LDAH: variants seen among roughly 807,000 people sequenced by gnomAD.
LDAH encodes lipid droplet-associated hydrolase.
Under a neutral mutation model 29.6 loss-of-function variants are expected in LDAH, and 26 were observed. The ratio of observed to expected loss-of-function variants is 0.88; its 90% CI spans 0.64 to 1.22. The LOEUF is 1.22. LDAH is among the 50% of genes most tolerant of loss of function. The probability of loss-of-function intolerance (pLI) is 0.00; values close to 1 mark genes in which losing one functional copy is unlikely to be tolerated. For missense variants in LDAH, 344 were observed against 387.3 expected (o/e 0.89, Z 0.94); for synonymous variants, 117 against 133.0 (o/e 0.88, Z 0.83).
intron 1 of LDAH, among the ~76,000 whole-genome samples, chr2:20,822,395 G>C (rs957620968): frequency 6.6e-6 from 1 of 152,036 alleles, no homozygotes; most frequent in Non-Finnish European, 1.5e-5. Flanking sequence ...CGCCCGCCTC[G>C]GGGTCCCAAA....
intron 2 of LDAH, among the ~76,000 whole-genome samples, chr2:20,792,933 GAATA>G (rs924446283): frequency 2.6e-5 from 4 of 152,164 alleles, no homozygotes; most frequent in East Asian, 1.9e-4. Context: ...AAATGAGGAA[GAATA>G]AATAAATAAA....
intron 2 of LDAH, among the ~76,000 whole-genome samples, chr2:20,796,916 G>A (rs192259800): frequency 3.3e-5 from 5 of 152,190 alleles, no homozygotes; most frequent in African/African-American, 7.2e-5. Context: ...CCTCTGATAC[G>A]CCTTTATACT....
intron 4 of LDAH, among the ~76,000 whole-genome samples, chr2:20,745,791 T>G (rs1355293330): frequency 6.6e-6 from 1 of 152,208 alleles, no homozygotes; most frequent in Non-Finnish European, 1.5e-5. Context: ...TAAATAATAA[T>G]TGAATCAAAT....
At position 20,724,429 on chromosome 2, in the gene LDAH, C is replaced by G. The variant is rs139739288; in HGVS notation, c.703+15542G>C. On this transcript the variant is annotated intron_variant, in intron 5 of 6. Transcript: ENST00000237822. ...AGTGCTTATCTGAACAGTTAGCTCA[C>G]AGCAGGTATCAGTAAGGAAGGGTTG... Among the ~76,000 whole-genome samples, 560 of 152,276 alleles carry G rather than the reference C, an allele frequency of 3.7e-3. 1 individual carries two copies. The highest frequency in any genetic ancestry group is 0.013 in the African/African-American group (538 of 41,546).
At position 20,740,035 on chromosome 2, in the gene LDAH, G is replaced by T; in HGVS notation, c.639C>A (p.Gly213=). 6.2e-7 allele frequency: 1 copy of T among 1,614,052 alleles called. No homozygotes were observed. Among genetic ancestry groups the T allele is most frequent in the Non-Finnish European group, 8.5e-7 (1 of 1,179,976 alleles). Reference sequence around the variant, plus strand: ...CATTCTCTAGGTTCATTACTTGAAGGCCCCTTCTGATTAGCAAGGACTTGA... The same window carrying T: ...CATTCTCTAGGTTCATTACTTGAAGTCCCCTTCTGATTAGCAAGGACTTGA... ...ETIKSLLIRR[G]LQVMNLENEF... Residue 213 remains glycine, a synonymous_variant, in exon 5 of 7, where the codon GGC becomes GGA. Coordinates refer to ENST00000237822, the MANE Select transcript of LDAH (RefSeq NM_021925.4).
At chr2:20,764,893 A>G (rs144544879) in intron 4 of LDAH, among the ~76,000 whole-genome samples, 1 of 152,232 alleles carries the variant, frequency 6.6e-6, no homozygotes, top group Non-Finnish European at 1.5e-5. Context: ...TAAGATGGGA[A>G]AAATCAGATT....
intron 5 of LDAH, among the ~76,000 whole-genome samples, chr2:20,713,451 A>C (rs186502542): frequency 2.0e-5 from 3 of 152,306 alleles, no homozygotes; most frequent in Non-Finnish European, 4.4e-5. Context: ...TGTAAAGACC[A>C]TCAATCCTAT....
chr2:20,692,216 C>G (rs1663090234), intron 6 of LDAH, among the ~76,000 whole-genome samples: 1 of 152,162 alleles, frequency 6.6e-6, no homozygotes, highest in Non-Finnish European at 1.5e-5. Context: ...CCTATATAAA[C>G]TGGCTCTTAA....
At chr2:20,702,096 A>T (rs1663987681) in intron 5 of LDAH, among the ~76,000 whole-genome samples, 1 of 152,112 alleles carries the variant, frequency 6.6e-6, no homozygotes, top group Non-Finnish European at 1.5e-5. Flanking sequence ...AGGATTATTT[A>T]TCTTTAAAAA....
Position 20,686,729 on chromosome 2 carries a change from CA to C in LDAH, c.*173del, listed in dbSNP as rs1340352929. ...TGGTTAAACCTATGGAATGATTCAT[CA>C]ACTGTGTTTACTTCAGCCTATAACA... On this transcript the variant is annotated 3_prime_UTR_variant, in exon 7 of 7. Transcript: ENST00000237822. 2.7e-5 allele frequency: 15 copies of C among 562,394 alleles called. No homozygotes were observed. Among genetic ancestry groups the C allele is most frequent in the Non-Finnish European group, 4.4e-5 (14 of 321,372 alleles). The allele number at this position is 562,394 out of a possible 1,614,324, so 34.8% of individuals were successfully genotyped here.
chr2:20,767,056 G>A (rs527239301), intron 4 of LDAH, among the ~76,000 whole-genome samples: 6 of 152,352 alleles, frequency 3.9e-5, no homozygotes, highest in South Asian at 4.1e-4. Flanking sequence ...CAATCTGGGC[G>A]AGGGGGAGCT....
At chr2:20,753,020 C>T (rs1159689544) in intron 4 of LDAH, among the ~76,000 whole-genome samples, 2 of 152,138 alleles carry the variant, frequency 1.3e-5, no homozygotes, top group Non-Finnish European at 2.9e-5. Flanking sequence ...AAACCAGGCA[C>T]CTTCAATGTG....
Position 20,685,671 on chromosome 2 carries a change from G to T in LDAH, c.*1232C>A, listed in dbSNP as rs1277366395. 3 of 1,548,050 alleles carry T rather than the reference G, an allele frequency of 1.9e-6. No homozygotes were observed. Among genetic ancestry groups the T allele is most frequent in the Admixed American group, 2.0e-5 (1 of 50,854 alleles). ...GAGGGATTTCCTCTAGGAGAAAAAG[G>T]AATATTTCTGATCCATGATCAACTG... On this transcript the variant is annotated 3_prime_UTR_variant, in exon 7 of 7. Coordinates refer to ENST00000237822, the MANE Select transcript of LDAH (RefSeq NM_021925.4).
intron 5 of LDAH, among the ~76,000 whole-genome samples, chr2:20,703,969 G>A (rs1664137759): frequency 6.6e-6 from 1 of 152,140 alleles, no homozygotes; most frequent in Non-Finnish European, 1.5e-5. Context: ...AAAGTGCTAT[G>A]GAGAAAAATA....
At chr2:20,731,312 C>T (rs941561147) in intron 5 of LDAH, among the ~76,000 whole-genome samples, 4 of 152,132 alleles carry the variant, frequency 2.6e-5, no homozygotes, top group Non-Finnish European at 5.9e-5. Flanking sequence ...GGAGTTATCT[C>T]AAGATCTGGT....
rs559489131 is a variant in LDAH at position 20,783,554 on chromosome 2, T to C, written c.298+6701A>G. Among the ~76,000 whole-genome samples the C allele has an allele frequency of 6.5e-4, 99 of 152,314 alleles. 1 individual carries two copies. The South Asian group carries it at 0.02, about 30-fold the overall frequency. ...ATTATGTAATGCTCCTCTTTATCCCTGACATTTTCTTTTTCTGAAGCCTGC... is the reference window on the plus strand; with the variant it reads ...ATTATGTAATGCTCCTCTTTATCCCCGACATTTTCTTTTTCTGAAGCCTGC... On this transcript the variant is annotated intron_variant, in intron 3 of 6. Coordinates refer to ENST00000237822, the MANE Select transcript of LDAH (RefSeq NM_021925.4).
At chr2:20,692,246 G>A (rs340600) in intron 6 of LDAH, among the ~76,000 whole-genome samples, 30 of 152,046 alleles carry the variant, frequency 2.0e-4, no homozygotes, top group African/African-American at 7.0e-4. Flanking sequence ...GCAGACAGAG[G>A]TATGGACAAA....
chr2:20,712,408 G>A (rs1664834592), intron 5 of LDAH, among the ~76,000 whole-genome samples: 1 of 152,222 alleles, frequency 6.6e-6, no homozygotes, highest in Non-Finnish European at 1.5e-5. Context: ...ATGAAAGGTA[G>A]ACAAAATCAC....
chr2:20,813,120 A>C (rs1247944125), intron 1 of LDAH, among the ~76,000 whole-genome samples: 1 of 152,212 alleles, frequency 6.6e-6, no homozygotes, highest in African/African-American at 2.4e-5. Context: ...AATTTCACTT[A>C]TATGGATAAA....
Sources: allele counts gnomAD v4.1 joint callset (sites outside exome capture counted in the v4.1 genomes callset), GRCh38; gene constraint gnomAD v4.1.1; transcripts MANE v1.5; gene names NCBI Gene and HGNC (gene_info 2026-07-23, HGNC 2026-07-21).